SPOPL: variants seen among roughly 807,000 people sequenced by gnomAD.
SPOPL encodes the protein speckle-type POZ protein-like.
In SPOPL, 23 loss-of-function variants were observed where a neutral mutation model predicts 53.8. The ratio of observed to expected loss-of-function variants is 0.43; its 90% CI spans 0.31 to 0.61. SPOPL has a LOEUF of 0.61. SPOPL is among the 20% of genes least tolerant of loss of function. The pLI is 0.12. For synonymous variants in SPOPL, 164 were observed against 149.7 expected, an observed-to-expected ratio of 1.10 and a Z score of -0.70; for missense variants, 442 against 466.9, an observed-to-expected ratio of 0.95 and a Z score of 0.49.
chr2:138,550,214 G>C lies in SPOPL; in HGVS notation c.-3G>C, dbSNP rs751480952. 2 of 1,613,224 alleles carry C rather than the reference G, an allele frequency of 1.2e-6. No individual in the cohort carries two copies. Among genetic ancestry groups the C allele is most frequent in the Admixed American group, 1.7e-5 (1 of 59,880 alleles). The stretch of plus-strand genomic sequence containing the variant: ...AATCCTGAAAGACTACAATAAAGTG[G>C]TGATGTCTCGGGAACCCACCCCACC... On this transcript the variant is annotated 5_prime_UTR_variant, in exon 2 of 11. Transcript: ENST00000280098.
intron 1 of SPOPL, among the ~76,000 whole-genome samples, chr2:138,517,022 G>A (rs577440858): frequency 2.6e-5 from 4 of 152,322 alleles, no homozygotes; most frequent in South Asian, 4.1e-4. Flanking sequence ...CTAGAACAAA[G>A]AGCATTGCTT....
At chr2:138,525,957 T>A (rs1198255315) in intron 1 of SPOPL, among the ~76,000 whole-genome samples, 1 of 152,176 alleles carries the variant, frequency 6.6e-6, no homozygotes, top group Non-Finnish European at 1.5e-5. Context: ...TTTACTTGTG[T>A]TAGTGATTTC....
chr2:138,561,494 C>CATGT (rs1685548392), intron 8 of SPOPL, among the ~76,000 whole-genome samples: 1 of 151,982 alleles, frequency 6.6e-6, no homozygotes, highest in Non-Finnish European at 1.5e-5. Flanking sequence ...TTCACATATG[C>CATGT]ATGTATGTAT....
chr2:138,564,764 A>C lies in SPOPL; in HGVS notation c.894A>C (p.Ser298=). The C allele has an allele frequency of 6.2e-7, 1 of 1,614,154 alleles. No homozygotes were observed. The highest frequency in any genetic ancestry group is 1.1e-5 in the South Asian group (1 of 91,082). Reference sequence around the variant, plus strand: ...AAGAAGCTTTGTGTAGTAACCTCTCAGTAGAGAATGTTGCAGATACCCTTG... The same window carrying C: ...AAGAAGCTTTGTGTAGTAACCTCTCCGTAGAGAATGTTGCAGATACCCTTG... ...MCEEALCSNL[S]VENVADTLVL... Residue 298 remains serine, a synonymous_variant, in exon 9 of 11, where the codon TCA becomes TCC. Transcript: ENST00000280098.
Position 138,564,971 on chromosome 2 carries a change from G to C in SPOPL, c.1012G>C (p.Asp338His). 3 of 1,614,046 alleles carry C rather than the reference G, an allele frequency of 1.9e-6. No individual in the cohort carries two copies. Among genetic ancestry groups the C allele is most frequent in the Non-Finnish European group, 2.5e-6 (3 of 1,179,990 alleles). ...TGTACTTCGACAACTTGGGTGTAAAGATGGGAAAAACTGGAACAGCAAGTA... is the reference window on the plus strand; with the variant it reads ...TGTACTTCGACAACTTGGGTGTAAACATGGGAAAAACTGGAACAGCAAGTA... Reference protein sequence around the residue: ...CSVLRQLGCKDGKNWNSNQAT... With the variant: ...CSVLRQLGCKHGKNWNSNQAT... Residue 338 changes from aspartate to histidine, a missense_variant, in exon 10 of 11, where the codon GAT (aspartate) becomes CAT (histidine). Coordinates refer to ENST00000280098, the MANE Select transcript of SPOPL (RefSeq NM_001001664.3).
At chr2:138,553,402 T>C (rs1376459762) in intron 5 of SPOPL, among the ~76,000 whole-genome samples, 1 of 152,154 alleles carries the variant, frequency 6.6e-6, no homozygotes, top group African/African-American at 2.4e-5. Context: ...TTTTAACCTG[T>C]ACAGTTTATA....
intron 1 of SPOPL, among the ~76,000 whole-genome samples, chr2:138,506,236 T>C (rs1684213672): frequency 6.6e-6 from 1 of 152,206 alleles, no homozygotes; most frequent in African/African-American, 2.4e-5. Flanking sequence ...AAGGACCAAT[T>C]TTGTTTTAAT....
intron 1 of SPOPL, among the ~76,000 whole-genome samples, chr2:138,529,698 AC>A: frequency 6.6e-6 from 1 of 152,212 alleles, no homozygotes; most frequent in South Asian, 2.1e-4. Context: ...GGTATTCTTG[AC>A]CCATTTGCAT....
At chr2:138,517,455 T>C (rs1373099150) in intron 1 of SPOPL, among the ~76,000 whole-genome samples, 3 of 152,112 alleles carry the variant, frequency 2.0e-5, no homozygotes, top group African/African-American at 4.8e-5. Context: ...AGTAAAATAT[T>C]TCTTGCCGGG....
At position 138,513,785 on chromosome 2, in the gene SPOPL, CCTTT is replaced by C. The variant is rs1684380500; in HGVS notation, c.-61+11671_-61+11674del. Among the ~76,000 whole-genome samples the C allele has an allele frequency of 5.3e-5, 8 of 149,544 alleles. No individual in the cohort carries two copies. In the South Asian group the frequency reaches 1.7e-3, roughly 32 times the overall value. ...TTGGCTTTTGCATTCTGTTAACATA[CCTTT>C]CTTTGTTTTGATATAAACAAATTTT... is the stretch of plus-strand genomic sequence containing the variant. On this transcript the variant is annotated intron_variant, in intron 1 of 10. Transcript: ENST00000280098.
intron 5 of SPOPL, among the ~76,000 whole-genome samples, chr2:138,554,897 T>C (rs1451896670): frequency 6.6e-6 from 1 of 152,204 alleles, no homozygotes; most frequent in Non-Finnish European, 1.5e-5. Flanking sequence ...TATCTTTTGC[T>C]AAGATAGTGT....
At chr2:138,560,328 G>C (rs1483943856) in intron 7 of SPOPL, among the ~76,000 whole-genome samples, 7 of 152,092 alleles carry the variant, frequency 4.6e-5, no homozygotes, top group Non-Finnish European at 7.4e-5. Flanking sequence ...GATCTTAGGT[G>C]TTGTATTAGG....
chr2:138,510,437 AT>A (rs1247248501), intron 1 of SPOPL, among the ~76,000 whole-genome samples: 1 of 152,104 alleles, frequency 6.6e-6, no homozygotes, highest in African/African-American at 2.4e-5. Context: ...TGTCTAGTTG[AT>A]TGATAGTGTT....
chr2:138,535,187 A>G (rs372350974), intron 1 of SPOPL, among the ~76,000 whole-genome samples: 9 of 152,318 alleles, frequency 5.9e-5, no homozygotes, highest in East Asian at 1.9e-4. Flanking sequence ...AGGAAAATTC[A>G]TTGTGTACAT....
At chr2:138,561,016 C>A in intron 8 of SPOPL, 89 bp downstream of exon 8, 1 of 1,475,322 alleles carries the variant, frequency 6.8e-7, no homozygotes, top group African/African-American at 1.5e-5. Context: ...CCAAATAACT[C>A]GTATTTTGTA....
chr2:138,530,438 CAT>C (rs1381330071), intron 1 of SPOPL, among the ~76,000 whole-genome samples: 5 of 152,098 alleles, frequency 3.3e-5, no homozygotes, highest in Non-Finnish European at 7.4e-5. Flanking sequence ...AGTCAGTCTG[CAT>C]ATATTGAAAT....
In SPOPL at chr2:138,564,781, A is replaced by G; in HGVS notation, c.911A>G (p.Asp304Gly). 1 of 1,614,188 alleles carries G rather than the reference A, an allele frequency of 6.2e-7. No individual in the cohort carries two copies. Among genetic ancestry groups the G allele is most frequent in the Non-Finnish European group, 8.5e-7 (1 of 1,180,026 alleles). The change falls in exon 9 of 11, where the codon GAT becomes GGT. Residue 304 changes from aspartate (D) to glycine (G), a missense_variant. Physicochemically the swap from Asp to Gly is moderately conservative, Grantham distance 94. Transcript: ENST00000280098. ...CSNLSVENVA[D>G]TLVLADLHSA... is the part of the protein sequence containing the mutation. Reference sequence around the variant, plus strand: ...AACCTCTCAGTAGAGAATGTTGCAGATACCCTTGTCCTTGCAGATTTGCAC... The same window carrying G: ...AACCTCTCAGTAGAGAATGTTGCAGGTACCCTTGTCCTTGCAGATTTGCAC...
chr2:138,520,307 T>G (rs1459488951), intron 1 of SPOPL, among the ~76,000 whole-genome samples: 1 of 152,224 alleles, frequency 6.6e-6, no homozygotes, highest in Admixed American at 6.5e-5. Flanking sequence ...TAAATTTGTT[T>G]TTAGAGACTG....
At chr2:138,563,944 G>A (rs1419687391) in intron 8 of SPOPL, among the ~76,000 whole-genome samples, 1 of 152,174 alleles carries the variant, frequency 6.6e-6, no homozygotes, top group Non-Finnish European at 1.5e-5. Context: ...TTGAACTATT[G>A]ATAGGCAATA....
Sources: gnomAD v4.1 joint callset for allele counts (sites outside exome capture counted in the v4.1 genomes callset) on GRCh38, gnomAD v4.1.1 for gene constraint, MANE v1.5 for transcripts, NCBI Gene and HGNC (gene_info 2026-07-23, HGNC 2026-07-21) for gene names.